Variants in PTPRD observed in about 807,000 individuals in gnomAD.
PTPRD encodes the protein protein tyrosine phosphatase receptor type D.
A neutral mutation model predicts 214.5 loss-of-function variants in PTPRD; 34 were observed. The ratio of observed to expected loss-of-function variants is 0.16; its 90% confidence interval spans 0.12 to 0.21. PTPRD has a LOEUF of 0.21. Among genes scored for constraint, PTPRD ranks in the 10% least tolerant of loss-of-function variants. The probability of loss-of-function intolerance (pLI) is 1.00; values close to 1 mark genes in which losing one functional copy is unlikely to be tolerated. For missense variants in PTPRD, 2,545 were observed against 2,398.7 expected (o/e 1.06, Z -1.27); for synonymous variants, 1,128 against 845.7 (o/e 1.33, Z -5.79).
intron 11 of PTPRD, among the ~76,000 whole-genome samples, chr9:8,947,087 C>T (rs2099070240): frequency 7.0e-6 from 1 of 143,298 alleles, no homozygotes; most frequent in Non-Finnish European, 1.5e-5. Flanking sequence ...ATCTCTTACT[C>T]CTTTAAATGT....
chr9:9,120,233 T>C (rs1267746348), intron 10 of PTPRD, among the ~76,000 whole-genome samples: 1 of 152,200 alleles, frequency 6.6e-6, no homozygotes, highest in African/African-American at 2.4e-5. Context: ...CCAAATTTAT[T>C]TGAAGAAAGA....
At chr9:10,277,964 G>A (rs1301941318) in intron 3 of PTPRD, among the ~76,000 whole-genome samples, 1 of 152,016 alleles carries the variant, frequency 6.6e-6, no homozygotes, top group Admixed American at 6.6e-5. Context: ...CGAGACCATC[G>A]TGGCTAACGA....
chr9:9,761,996 C>T (rs2098661731), intron 6 of PTPRD, among the ~76,000 whole-genome samples: 1 of 152,148 alleles, frequency 6.6e-6, no homozygotes, highest in South Asian at 2.1e-4. Flanking sequence ...AATTTATTTT[C>T]TAATTCTGGA....
At chr9:8,434,217 G>A (rs2095244874) in intron 35 of PTPRD, among the ~76,000 whole-genome samples, 1 of 152,154 alleles carries the variant, frequency 6.6e-6, no homozygotes, top group Non-Finnish European at 1.5e-5. Flanking sequence ...CCTGAACTCA[G>A]GTGATCCACC....
At chr9:10,316,167 G>A (rs200500335) in intron 3 of PTPRD, among the ~76,000 whole-genome samples, 3 of 117,270 alleles carry the variant, frequency 2.6e-5, no homozygotes, top group African/African-American at 1.1e-4. Context: ...GTATATCTAT[G>A]TATATATACA....
intron 7 of PTPRD, among the ~76,000 whole-genome samples, chr9:9,607,931 C>T (rs1006071398): frequency 6.6e-6 from 1 of 151,960 alleles, no homozygotes; most frequent in African/African-American, 2.4e-5. Context: ...CCCAGCAGAT[C>T]CTGCATTCGG....
chr9:9,325,871 A>T (rs1285867446), intron 9 of PTPRD, among the ~76,000 whole-genome samples: 1 of 152,200 alleles, frequency 6.6e-6, no homozygotes, highest in Non-Finnish European at 1.5e-5. Flanking sequence ...TGTTCCATCA[A>T]TACTTAGTTT....
At chr9:9,526,075 T>A (rs1251053229) in intron 8 of PTPRD, among the ~76,000 whole-genome samples, 1 of 152,212 alleles carries the variant, frequency 6.6e-6, no homozygotes, top group Non-Finnish European at 1.5e-5. Context: ...TTTGCCTGGT[T>A]TTGAACCTTA....
At chr9:10,342,433 T>C (rs1477991703) in intron 2 of PTPRD, among the ~76,000 whole-genome samples, 1 of 152,108 alleles carries the variant, frequency 6.6e-6, no homozygotes, top group East Asian at 1.9e-4. Context: ...TTAATTCAGA[T>C]ATGATAAATG....
At chr9:8,736,181 T>A (rs2090325562) in intron 11 of PTPRD, among the ~76,000 whole-genome samples, 1 of 152,072 alleles carries the variant, frequency 6.6e-6, no homozygotes. Flanking sequence ...CTGGTGGGAA[T>A]TAGGAAGGGA....
chr9:9,774,443 T>G (rs114384090), intron 5 of PTPRD, among the ~76,000 whole-genome samples: 1,578 of 152,268 alleles, frequency 0.01, 28 homozygotes, highest in African/African-American at 0.036. Context: ...GTCCAAGGGT[T>G]CAAGCACGAG....
At chr9:9,942,772 A>C (rs2091819769) in intron 4 of PTPRD, among the ~76,000 whole-genome samples, 1 of 152,122 alleles carries the variant, frequency 6.6e-6, no homozygotes, top group African/African-American at 2.4e-5. Context: ...TTTTTCTGTG[A>C]AATTTGTTAA....
chr9:9,131,066 GA>G (rs1262941815), intron 10 of PTPRD, among the ~76,000 whole-genome samples: 1 of 152,018 alleles, frequency 6.6e-6, no homozygotes, highest in Non-Finnish European at 1.5e-5. Context: ...GGAAAAGTCT[GA>G]AAAAATAGTT....
chr9:9,207,943 G>C (rs938458067), intron 9 of PTPRD, among the ~76,000 whole-genome samples: 4 of 149,114 alleles, frequency 2.7e-5, no homozygotes, highest in Non-Finnish European at 4.4e-5. Flanking sequence ...TAGTGAAAAA[G>C]GAAAGGAAGA....
intron 6 of PTPRD, among the ~76,000 whole-genome samples, chr9:9,754,478 A>G (rs1367222864): frequency 6.6e-6 from 1 of 152,060 alleles, no homozygotes; most frequent in Non-Finnish European, 1.5e-5. Context: ...TCTCTCTGCA[A>G]ATGGTGATAA....
Position 10,243,010 on chromosome 9 carries a change from T to A in PTPRD, c.-545+97953A>T, listed in dbSNP as rs934950595. Among the ~76,000 whole-genome samples, 8 of 152,028 alleles carry A rather than the reference T, an allele frequency of 5.3e-5. No homozygotes were observed. In the East Asian group the frequency reaches 1.6e-3, roughly 29 times the overall value. ...AAAAATGAAAAGTTTTAACAGTTCA[T>A]ACACATTTCTGGTTTTGTAACTGCC... On this transcript the variant is annotated intron_variant, in intron 3 of 45. Coordinates refer to ENST00000381196, the MANE Select transcript of PTPRD (RefSeq NM_002839.4).
At chr9:8,680,613 T>G (rs1261828139) in intron 12 of PTPRD, among the ~76,000 whole-genome samples, 1 of 152,150 alleles carries the variant, frequency 6.6e-6, no homozygotes, top group Non-Finnish European at 1.5e-5. Context: ...ATACTATATA[T>G]GATATTAAAT....
intron 4 of PTPRD, among the ~76,000 whole-genome samples, chr9:9,961,270 G>A (rs1587437891): frequency 6.6e-6 from 1 of 152,182 alleles, no homozygotes; most frequent in East Asian, 1.9e-4. Context: ...CCTGGAATTG[G>A]AATTTTCAAA....
chr9:10,562,080 T>C lies in PTPRD; in HGVS notation c.-600+50318A>G, dbSNP rs141579626. 1.1e-3 allele frequency among the ~76,000 whole-genome samples: 170 copies of C among 152,252 alleles called. 2 individuals carry two copies. The highest frequency in any genetic ancestry group is 3.9e-3 in the African/African-American group (164 of 41,568). On this transcript the variant is annotated intron_variant, in intron 2 of 45. Transcript: ENST00000381196. ...ATAACATTAATTGAGGAGTGAAACA[T>C]ATTCCATTATCTCTTTTGTATTTAC...
Sources: gnomAD v4.1 joint callset for allele counts (sites outside exome capture counted in the v4.1 genomes callset) on GRCh38, gnomAD v4.1.1 for gene constraint, MANE v1.5 for transcripts, NCBI Gene and HGNC (gene_info 2026-07-23, HGNC 2026-07-21) for gene names.